SEMA5A: variants seen among roughly 807,000 people sequenced by gnomAD.
SEMA5A encodes semaphorin-5A.
A neutral mutation model predicts 135.5 loss-of-function variants in SEMA5A; 55 were observed. The ratio of observed to expected loss-of-function variants is 0.41; its 90% CI spans 0.33 to 0.51. The LOEUF (loss-of-function observed/expected upper bound fraction) is 0.51. Among genes scored for constraint, SEMA5A ranks in the 20% least tolerant of loss-of-function variants. SEMA5A has a pLI of 0.37. For synonymous variants in SEMA5A, 580 were observed against 546.5 expected (o/e 1.06, Z -0.85); for missense variants, 1,290 against 1,419.9 (o/e 0.91, Z 1.47).
intron 1 of SEMA5A, among the ~76,000 whole-genome samples, chr5:9,529,460 A>G (rs946793471): frequency 6.6e-6 from 1 of 152,250 alleles, no homozygotes; most frequent in Non-Finnish European, 1.5e-5. Context: ...GCTTCCGGGT[A>G]TGGGACTGTG....
rs1319867260 is a variant in SEMA5A, at chr5:9,307,969, TAAAG to T, written c.270+10399_270+10402del. On this transcript the variant is annotated intron_variant, in intron 5 of 22. Coordinates refer to ENST00000382496, the MANE Select transcript of SEMA5A (RefSeq NM_003966.3). ...AGCAAAGCAACAATTTAGAAATGGA[TAAAG>T]AGAGTTATTAGAAATTAAGATATGC... Among the ~76,000 whole-genome samples, 4 of 152,120 alleles carry T rather than the reference TAAAG, an allele frequency of 2.6e-5. No individual in the cohort carries two copies. The South Asian group carries it at 6.2e-4, about 24-fold the overall frequency.
rs531656588 is a variant in SEMA5A, at chr5:9,172,435, A to G, written c.1274-17740T>C. On this transcript the variant is annotated intron_variant, in intron 11 of 22. Coordinates refer to ENST00000382496, the MANE Select transcript of SEMA5A (RefSeq NM_003966.3). ...CCGCTAAGGACAAGGTCAGATTTTT[A>G]AAATTAATCAAATGATCACATCATT... 2.0e-5 allele frequency among the ~76,000 whole-genome samples: 3 copies of G among 152,342 alleles called. No homozygotes were observed. In the East Asian group the frequency reaches 5.8e-4, roughly 29 times the overall value.
intron 16 of SEMA5A, among the ~76,000 whole-genome samples, chr5:9,092,844 A>T (rs922742960): frequency 6.6e-6 from 1 of 152,218 alleles, no homozygotes. Context: ...TTACCTTTTT[A>T]AAAAATCACA....
chr5:9,449,935 G>T (rs780055157), intron 1 of SEMA5A, among the ~76,000 whole-genome samples: 4 of 152,164 alleles, frequency 2.6e-5, no homozygotes, highest in Non-Finnish European at 5.9e-5. Flanking sequence ...ATCCTCCTTA[G>T]GAGGTTTTCT....
At chr5:9,077,261 A>G (rs1738118477) in intron 16 of SEMA5A, among the ~76,000 whole-genome samples, 1 of 152,320 alleles carries the variant, frequency 6.6e-6, no homozygotes, top group Non-Finnish European at 1.5e-5. Flanking sequence ...CATCCCAAAT[A>G]AACACCCAGT....
At chr5:9,166,476 G>A (rs1358783356) in intron 11 of SEMA5A, among the ~76,000 whole-genome samples, 4 of 152,172 alleles carry the variant, frequency 2.6e-5, no homozygotes, top group Non-Finnish European at 5.9e-5. Context: ...CACAGGACAC[G>A]TTGTATAAGA....
At chr5:9,189,288 T>A (rs573901221) in intron 11 of SEMA5A, among the ~76,000 whole-genome samples, 2 of 152,178 alleles carry the variant, frequency 1.3e-5, no homozygotes, top group Admixed American at 1.3e-4. Context: ...CACTAGAACG[T>A]AAGGTCCAGC....
intron 1 of SEMA5A, among the ~76,000 whole-genome samples, chr5:9,515,481 C>A (rs182179855): frequency 6.6e-6 from 1 of 152,288 alleles, no homozygotes; most frequent in East Asian, 1.9e-4. Flanking sequence ...GTGAAAAATG[C>A]ATGTGTAATA....
chr5:9,435,080 G>T (rs1409745855), intron 2 of SEMA5A, among the ~76,000 whole-genome samples: 1 of 152,110 alleles, frequency 6.6e-6, no homozygotes, highest in African/African-American at 2.4e-5. Context: ...ATGTGGCAAA[G>T]GGTATTGCCA....
In SEMA5A at chr5:9,143,834, G is replaced by A. The variant is rs137858138; in HGVS notation, c.1482-7213C>T. 4.2e-3 allele frequency among the ~76,000 whole-genome samples: 375 copies of A among 89,198 alleles called. 1 individual carries two copies. The highest frequency in any genetic ancestry group is 0.011 in the African/African-American group (348 of 30,300). The allele number at this position is 89,198 out of a possible 152,430, so 58.5% of individuals were successfully genotyped here. A position where few individuals can be genotyped will look rare whatever the true frequency, so the allele number is the denominator to read the frequency against. On this transcript the variant is annotated intron_variant, in intron 12 of 22. Coordinates refer to ENST00000382496, the MANE Select transcript of SEMA5A (RefSeq NM_003966.3). ...GACCTCCTTGTGGGCTTCAATCATT[G>A]TAAATTTTCTCTAGAACAAATATAA...
At chr5:9,418,038 G>A (rs1273696110) in intron 2 of SEMA5A, among the ~76,000 whole-genome samples, 9 of 150,356 alleles carry the variant, frequency 6.0e-5, no homozygotes, top group South Asian at 2.1e-4. Context: ...TTGCAGTGGC[G>A]TGATCTCGGC....
intron 16 of SEMA5A, among the ~76,000 whole-genome samples, chr5:9,069,273 C>A (rs1025717687): frequency 6.6e-6 from 1 of 152,206 alleles, no homozygotes; most frequent in African/African-American, 2.4e-5. Flanking sequence ...TGCGAGCAGG[C>A]CTTTCTAAGA....
chr5:9,132,892 T>C (rs1741513234), intron 13 of SEMA5A, among the ~76,000 whole-genome samples: 1 of 152,256 alleles, frequency 6.6e-6, no homozygotes, highest in Non-Finnish European at 1.5e-5. Flanking sequence ...TTATAAAGCT[T>C]AATTTCCTTT....
intron 9 of SEMA5A, among the ~76,000 whole-genome samples, chr5:9,197,780 G>GTGTGTGTA (rs1402121195): frequency 0.017 from 1,781 of 103,940 alleles, 72 homozygotes; most frequent in Admixed American, 0.024. Context: ...GTGTGTGTGT[G>GTGTGTGTA]TGTGTTTTAA....
chr5:9,274,029 A>G (rs1750125203), intron 5 of SEMA5A, among the ~76,000 whole-genome samples: 1 of 152,182 alleles, frequency 6.6e-6, no homozygotes, highest in African/African-American at 2.4e-5. Flanking sequence ...GCCCCAATTA[A>G]AAGACAAAGA....
intron 1 of SEMA5A, among the ~76,000 whole-genome samples, chr5:9,541,931 T>A (rs1176751652): frequency 6.6e-6 from 1 of 152,238 alleles, no homozygotes; most frequent in Admixed American, 6.5e-5. Flanking sequence ...TTACCTATTA[T>A]CCAATACCTT....
chr5:9,340,379 G>T (rs539215056), intron 3 of SEMA5A, among the ~76,000 whole-genome samples: 1 of 152,298 alleles, frequency 6.6e-6, no homozygotes, highest in African/African-American at 2.4e-5. Flanking sequence ...GGGGAGTGAA[G>T]AGATGAGCCT....
chr5:9,251,846 C>T (rs1378183424), intron 5 of SEMA5A, among the ~76,000 whole-genome samples: 1 of 152,124 alleles, frequency 6.6e-6, no homozygotes, highest in African/African-American at 2.4e-5. Context: ...TACTCTTCTG[C>T]CCATCATAAC....
rs137945798 is a variant in SEMA5A, at chr5:9,269,461, T to C, written c.271-31571A>G. Among the ~76,000 whole-genome samples the C allele has an allele frequency of 2.6e-4, 40 of 152,298 alleles. No homozygotes were observed. In the East Asian group the frequency reaches 7.7e-3, roughly 29 times the overall value. ...GTTCTGGCTTGGTTTTGATTAGCTA[T>C]GCAACCTTGAGCAAATGGCCTCACC... On this transcript the variant is annotated intron_variant, in intron 5 of 22. Coordinates refer to ENST00000382496, the MANE Select transcript of SEMA5A (RefSeq NM_003966.3).
Sources: allele counts gnomAD v4.1 joint callset (sites outside exome capture counted in the v4.1 genomes callset), GRCh38; gene constraint gnomAD v4.1.1; transcripts MANE v1.5; gene names NCBI Gene and HGNC (gene_info 2026-07-23, HGNC 2026-07-21).